COMMD10: variants seen among roughly 807,000 people sequenced by gnomAD.
COMMD10 encodes COMM domain containing 10.
In COMMD10, 33 loss-of-function variants were observed where a neutral mutation model predicts 28.9. The observed-to-expected ratio is 1.14, with a 90% CI of 0.87 to 1.53. The LOEUF is 1.53. COMMD10 is among the 40% of genes most tolerant of loss of function. The pLI, the probability that COMMD10 is intolerant of heterozygous loss-of-function variation, is 0.00. For synonymous variants in COMMD10, 110 were observed against 81.7 expected, an observed-to-expected ratio of 1.35 and a Z score of -1.87; for missense variants, 310 against 233.4, an observed-to-expected ratio of 1.33 and a Z score of -2.14.
chr5:116,122,605 A>C (rs928953682), intron 4 of COMMD10, among the ~76,000 whole-genome samples: 1 of 152,104 alleles, frequency 6.6e-6, no homozygotes, highest in African/African-American at 2.4e-5. Flanking sequence ...GATTTTTCCT[A>C]TCCATGAGCA....
At chr5:116,223,763 C>T (rs764102968) in intron 5 of COMMD10, among the ~76,000 whole-genome samples, 4 of 152,040 alleles carry the variant, frequency 2.6e-5, no homozygotes, top group South Asian at 2.1e-4. Flanking sequence ...AGTTCATGAT[C>T]GTAGGAGTGG....
At chr5:116,098,164 C>G (rs888258066) in intron 4 of COMMD10, among the ~76,000 whole-genome samples, 30 of 152,330 alleles carry the variant, frequency 2.0e-4, no homozygotes, top group African/African-American at 7.2e-4. Context: ...CATGCTACCT[C>G]TGGCAGCTGT....
At chr5:116,265,376 A>G (rs1554057954) in intron 5 of COMMD10, among the ~76,000 whole-genome samples, 1 of 151,752 alleles carries the variant, frequency 6.6e-6, no homozygotes, top group Non-Finnish European at 1.5e-5. Flanking sequence ...AGCTTTCAGA[A>G]TTGTAATCAT....
intron 4 of COMMD10, among the ~76,000 whole-genome samples, chr5:116,109,962 A>C (rs990820816): frequency 1.4e-4 from 21 of 152,310 alleles, no homozygotes; most frequent in African/African-American, 4.8e-4. Context: ...TTTTTGAGGA[A>C]ATGTTTTTAA....
At chr5:116,148,291 T>C (rs557637695) in intron 5 of COMMD10, among the ~76,000 whole-genome samples, 2 of 152,018 alleles carry the variant, frequency 1.3e-5, no homozygotes, top group South Asian at 4.1e-4. Context: ...TATATGTGTG[T>C]TTGTTAATTC....
chr5:116,212,700 C>A (rs995956111), intron 5 of COMMD10, among the ~76,000 whole-genome samples: 1 of 151,976 alleles, frequency 6.6e-6, no homozygotes, highest in African/African-American at 2.4e-5. Context: ...TTTTATGAGA[C>A]CAACTTTAAG....
At chr5:116,090,095 T>C (rs1298228267) in intron 2 of COMMD10, among the ~76,000 whole-genome samples, 1 of 151,626 alleles carries the variant, frequency 6.6e-6, no homozygotes, top group Non-Finnish European at 1.5e-5. Context: ...GCAGAAGAGA[T>C]GTATTTGTCC....
rs182757570 is a variant in COMMD10, at chr5:116,219,304, C to T, written c.511-72213C>T. Among the ~76,000 whole-genome samples, 6 of 152,286 alleles carry T rather than the reference C, an allele frequency of 3.9e-5. No individual in the cohort carries two copies. In the East Asian group the frequency reaches 1.2e-3, roughly 29 times the overall value. ...TACAGTTTTCTCCCTTTCCCTTCCC[C>T]TTCCCCTTCCCATTTTAGTAGTAGT... On this transcript the variant is annotated intron_variant, in intron 5 of 6. Coordinates refer to ENST00000274458, the MANE Select transcript of COMMD10 (RefSeq NM_016144.4).
chr5:116,116,900 C>G (rs62384714), intron 4 of COMMD10, among the ~76,000 whole-genome samples: 11,387 of 152,126 alleles, frequency 0.075, 506 homozygotes, highest in Admixed American at 0.13. Context: ...AAGTTATATA[C>G]ACACATTTAA....
intron 5 of COMMD10, among the ~76,000 whole-genome samples, chr5:116,181,153 T>C (rs1747943439): frequency 1.3e-5 from 2 of 151,976 alleles, no homozygotes; most frequent in Admixed American, 1.3e-4. Flanking sequence ...CCAAAAATTA[T>C]AAAATAAAAA....
intron 5 of COMMD10, among the ~76,000 whole-genome samples, chr5:116,274,960 G>A (rs889446095): frequency 1.3e-5 from 2 of 151,576 alleles, no homozygotes; most frequent in African/African-American, 4.9e-5. Context: ...ACATCTAATG[G>A]CCTGCTGGTA....
chr5:116,182,871 A>G (rs10066026), intron 5 of COMMD10, among the ~76,000 whole-genome samples: 76,666 of 151,816 alleles, frequency 0.5, 21,993 homozygotes, highest in Non-Finnish European at 0.65. Flanking sequence ...AGTTTCCCCC[A>G]TGCTGTCCTT....
chr5:116,291,528 A>G lies in COMMD10; in HGVS notation c.522A>G (p.Lys174=). 2 of 1,601,724 alleles carry G rather than the reference A, an allele frequency of 1.2e-6. No homozygotes were observed. Among genetic ancestry groups the G allele is most frequent in the South Asian group, 2.3e-5 (2 of 88,304 alleles). Residue 174 remains lysine (K), a synonymous_variant, in exon 6 of 7, where the codon AAA becomes AAG. Transcript: ENST00000274458. ...VNNEDSKSLE[K]VLVEFSHKEL... is the part of the protein sequence containing the mutation. Reference sequence around the variant, plus strand: ...TTTCTTCCTTACAGAGCCTGGAGAAAGTTCTTGTGGAATTCAGTCACAAGG... The same window carrying G: ...TTTCTTCCTTACAGAGCCTGGAGAAGGTTCTTGTGGAATTCAGTCACAAGG...
intron 5 of COMMD10, among the ~76,000 whole-genome samples, chr5:116,179,062 TCCATAGGTAAAATAGCTGAAAGAGAAC>T (rs143754241): frequency 0.11 from 16,900 of 152,024 alleles, 1,341 homozygotes; most frequent in African/African-American, 0.22. Context: ...ATTTTATGAT[TCCATAGGTAAAATAGCTGAAAGAGAAC>T]CATTATGTTA....
intron 5 of COMMD10, among the ~76,000 whole-genome samples, chr5:116,246,470 AG>A (rs1259687337): frequency 6.6e-6 from 1 of 150,646 alleles, no homozygotes; most frequent in African/African-American, 2.4e-5. Flanking sequence ...TTGTAGAACT[AG>A]GAAAAAAAAA....
Position 116,287,603 on chromosome 5 carries a change from T to C in COMMD10, c.511-3914T>C, listed in dbSNP as rs527745435. ...ATAATTACCGATAGGCAAGGACTTATTGCCGTTTTGTTAGTTGCTGTCTAT... is the reference window on the plus strand; with the variant it reads ...ATAATTACCGATAGGCAAGGACTTACTGCCGTTTTGTTAGTTGCTGTCTAT... On this transcript the variant is annotated intron_variant, in intron 5 of 6. Transcript: ENST00000274458. Among the ~76,000 whole-genome samples, 23 of 151,932 alleles carry C rather than the reference T, an allele frequency of 1.5e-4. 1 individual carries two copies. In the South Asian group the frequency reaches 3.9e-3, roughly 26 times the overall value.
At chr5:116,137,651 G>A (rs1258374975) in intron 5 of COMMD10, among the ~76,000 whole-genome samples, 2 of 151,896 alleles carry the variant, frequency 1.3e-5, no homozygotes, top group Non-Finnish European at 2.9e-5. Context: ...CGGTTTATAA[G>A]GAGCTCCTTA....
intron 5 of COMMD10, among the ~76,000 whole-genome samples, chr5:116,286,577 T>G (rs1002402714): frequency 2.0e-5 from 3 of 151,768 alleles, no homozygotes; most frequent in African/African-American, 7.3e-5. Flanking sequence ...TCATTTGTCT[T>G]AAGATATTTC....
At chr5:116,202,475 T>G (rs1246003692) in intron 5 of COMMD10, among the ~76,000 whole-genome samples, 5 of 152,066 alleles carry the variant, frequency 3.3e-5, no homozygotes, top group East Asian at 1.9e-4. Flanking sequence ...ACTTCCACAA[T>G]GGTTGAACTA....
Sources: gnomAD v4.1 joint callset for allele counts (sites outside exome capture counted in the v4.1 genomes callset) on GRCh38, gnomAD v4.1.1 for gene constraint, MANE v1.5 for transcripts, NCBI Gene and HGNC (gene_info 2026-07-23, HGNC 2026-07-21) for gene names.